Variants in AGBL1 observed in about 807,000 individuals in gnomAD.
AGBL1 encodes the protein cytosolic carboxypeptidase 4.
Under a neutral mutation model 118.9 loss-of-function variants are expected in AGBL1, and 130 were observed. The observed-to-expected ratio is 1.09, with a 90% CI of 0.95 to 1.26. The LOEUF is 1.26. AGBL1 is among the 50% of genes most tolerant of loss of function. AGBL1 has a pLI of 0.00. For synonymous variants in AGBL1, 555 were observed against 478.9 expected, an observed-to-expected ratio of 1.16 and a Z score of -2.08; for missense variants, 1,584 against 1,298.1, an observed-to-expected ratio of 1.22 and a Z score of -3.38.
chr15:86,158,103 T>C (rs1478924578), intron 4 of AGBL1, among the ~76,000 whole-genome samples: 2 of 152,168 alleles, frequency 1.3e-5, no homozygotes, highest in Non-Finnish European at 2.9e-5. Flanking sequence ...GGATGCCAAA[T>C]CTCTGAATTT....
chr15:86,296,094 A>G (rs898219079), intron 17 of AGBL1: 1 of 152,224 alleles, frequency 6.6e-6, no homozygotes, highest in Non-Finnish European at 1.5e-5. Context: ...AGACACGTAC[A>G]CACAAACATC....
At chr15:86,777,184 A>T in intron 22 of AGBL1, among the ~76,000 whole-genome samples, 1 of 152,028 alleles carries the variant, frequency 6.6e-6, no homozygotes, top group East Asian at 1.9e-4. Flanking sequence ...CCAAACTCTC[A>T]TATACATGAG....
intron 6 of AGBL1, among the ~76,000 whole-genome samples, chr15:86,232,454 C>T (rs1239373284): frequency 6.6e-6 from 1 of 152,192 alleles, no homozygotes; most frequent in Non-Finnish European, 1.5e-5. Context: ...ATTTGCTATT[C>T]CATACTATCT....
intron 17 of AGBL1, among the ~76,000 whole-genome samples, chr15:86,374,606 C>T (rs982049028): frequency 6.6e-6 from 1 of 152,134 alleles, no homozygotes. Flanking sequence ...TATCTAAAAC[C>T]CATAAATTGA....
intron 22 of AGBL1, among the ~76,000 whole-genome samples, chr15:86,737,403 T>A (rs2077617816): frequency 6.6e-6 from 1 of 152,246 alleles, no homozygotes; most frequent in South Asian, 2.1e-4. Flanking sequence ...ACACATTATT[T>A]CTGGTTATCA....
intron 22 of AGBL1, among the ~76,000 whole-genome samples, chr15:86,767,508 A>G (rs1048518885): frequency 9.9e-5 from 15 of 151,966 alleles, no homozygotes; most frequent in African/African-American, 3.6e-4. Context: ...ATTTAGTTTC[A>G]GGAGGTAGCA....
At chr15:86,693,222 A>T (rs895193378) in intron 22 of AGBL1, among the ~76,000 whole-genome samples, 1 of 152,064 alleles carries the variant, frequency 6.6e-6, no homozygotes, top group Non-Finnish European at 1.5e-5. Context: ...TTATATTCCC[A>T]TCAGAAGTGT....
At chr15:86,417,411 C>T (rs1043417115) in intron 18 of AGBL1, among the ~76,000 whole-genome samples, 5 of 152,100 alleles carry the variant, frequency 3.3e-5, no homozygotes, top group Non-Finnish European at 5.9e-5. Flanking sequence ...TCCATCATTC[C>T]GATTGTTATC....
chr15:86,864,207 A>G (rs1189112698), intron 22 of AGBL1, among the ~76,000 whole-genome samples: 3 of 152,194 alleles, frequency 2.0e-5, no homozygotes, highest in African/African-American at 7.2e-5. Context: ...GCTTGAAAAC[A>G]TAATCCAAGC....
intron 19 of AGBL1, among the ~76,000 whole-genome samples, chr15:86,541,593 CAAAAAAAA>C (rs34178328): frequency 1.7e-5 from 1 of 58,214 alleles, no homozygotes; most frequent in African/African-American, 7.0e-5. Context: ...GACTATGTCT[CAAAAAAAA>C]AAAAAAAAAA....
chr15:86,263,011 T>C lies in AGBL1; in HGVS notation c.1086+117T>C, dbSNP rs28502819. On this transcript the variant is annotated intron_variant, in intron 10 of 22. Coordinates refer to ENST00000614907, the MANE Select transcript of AGBL1 (RefSeq NM_001386094.1). Reference sequence around the variant, plus strand: ...GCATTGCTCATCATTAGCCATATGCTTCTGGGCTCTTCCTTAGAGAAAAGC... The same window carrying C: ...GCATTGCTCATCATTAGCCATATGCCTCTGGGCTCTTCCTTAGAGAAAAGC... 9.5e-3 allele frequency: 6,846 copies of C among 724,104 alleles called. 347 individuals are homozygous for C. In the African/African-American group the frequency reaches 0.11, roughly 11 times the overall value. The allele number at this position is 724,104 out of a possible 1,614,324, so 44.9% of individuals were successfully genotyped here.
intron 17 of AGBL1, among the ~76,000 whole-genome samples, chr15:86,318,661 T>C (rs1176509976): frequency 1.3e-5 from 2 of 150,922 alleles, no homozygotes; most frequent in African/African-American, 4.9e-5. Flanking sequence ...TATGGGAGGG[T>C]ATTTATAAGA....
chr15:86,634,159 C>G (rs1453459548), intron 21 of AGBL1, among the ~76,000 whole-genome samples: 1 of 152,024 alleles, frequency 6.6e-6, no homozygotes, highest in Non-Finnish European at 1.5e-5. Flanking sequence ...TGTGGCAATT[C>G]TTTAAATTGT....
At chr15:86,774,699 A>T (rs1567167739) in intron 22 of AGBL1, among the ~76,000 whole-genome samples, 1 of 152,022 alleles carries the variant, frequency 6.6e-6, no homozygotes, top group African/African-American at 2.4e-5. Flanking sequence ...AAAAATTAAG[A>T]TTTATATTGA....
chr15:86,241,108 A>G (rs2141976407), intron 6 of AGBL1, among the ~76,000 whole-genome samples: 1 of 152,266 alleles, frequency 6.6e-6, no homozygotes, highest in Admixed American at 6.5e-5. Context: ...GGAGTGTTTC[A>G]TTGTATGTAT....
intron 22 of AGBL1, among the ~76,000 whole-genome samples, chr15:86,848,877 T>A (rs777620193): frequency 1.3e-5 from 2 of 152,188 alleles, no homozygotes; most frequent in Non-Finnish European, 2.9e-5. Flanking sequence ...ATTTCTCGAG[T>A]ACTTTCCATG....
chr15:86,567,447 A>G (rs987256824), intron 21 of AGBL1, among the ~76,000 whole-genome samples: 7 of 152,230 alleles, frequency 4.6e-5, no homozygotes, highest in Non-Finnish European at 8.8e-5. Flanking sequence ...GGGAAGGGGA[A>G]GAAGACAATT....
intron 9 of AGBL1, among the ~76,000 whole-genome samples, chr15:86,258,713 A>ATT (rs888576116): frequency 6.7e-5 from 10 of 149,472 alleles, no homozygotes; most frequent in African/African-American, 2.4e-4. Flanking sequence ...GTTCCAAGAA[A>ATT]TTTTTTTTTT....
rs903247725 is a variant in AGBL1 at position 86,828,038 on chromosome 15, C to G, written c.3159-79049C>G. On this transcript the variant is annotated intron_variant, in intron 22 of 22. Coordinates refer to ENST00000614907, the MANE Select transcript of AGBL1 (RefSeq NM_001386094.1). ...CACTGCAACCTTAAACTCCTAGGCA[C>G]AAGAATTCCTCCTGCTTCAGCCTCC... Among the ~76,000 whole-genome samples, 4 of 142,792 alleles carry G rather than the reference C, an allele frequency of 2.8e-5. No homozygotes were observed. The Admixed American group carries it at 3.1e-4, about 11-fold the overall frequency. The allele number at this position is 142,792 out of a possible 152,430, so 93.7% of individuals were successfully genotyped here. A position where few individuals can be genotyped will look rare whatever the true frequency, so the allele number is the denominator to read the frequency against.
Sources: gnomAD v4.1 joint callset for allele counts (sites outside exome capture counted in the v4.1 genomes callset) on GRCh38, gnomAD v4.1.1 for gene constraint, MANE v1.5 for transcripts, NCBI Gene and HGNC (gene_info 2026-07-23, HGNC 2026-07-21) for gene names.